The following MAGI2 variants were observed in gnomAD, a reference collection of about 807,000 sequenced individuals.
The protein encoded by MAGI2 is membrane-associated guanylate kinase, WW and PDZ domain-containing protein 2.
MAGI2 carries 35 observed loss-of-function variants against 133.3 expected under a neutral mutation model. The ratio of observed to expected loss-of-function variants is 0.26; its 90% CI spans 0.20 to 0.35. The LOEUF (loss-of-function observed/expected upper bound fraction) is 0.35. MAGI2 is among the 10% of genes least tolerant of loss of function. The pLI is 1.00. For missense variants in MAGI2, 1,636 were observed against 1,863.4 expected, an observed-to-expected ratio of 0.88 and a Z score of 2.25; for synonymous variants, 729 against 710.6, an observed-to-expected ratio of 1.03 and a Z score of -0.41.
intron 2 of MAGI2, among the ~76,000 whole-genome samples, chr7:78,761,997 GAATT>G (rs912280618): frequency 1.3e-5 from 2 of 151,986 alleles, no homozygotes; most frequent in African/African-American, 4.8e-5. Flanking sequence ...ACTCTATCCG[GAATT>G]AATTTTTCCT....
intron 6 of MAGI2, among the ~76,000 whole-genome samples, chr7:78,383,376 A>AT (rs758207160): frequency 2.0e-5 from 3 of 151,952 alleles, no homozygotes; most frequent in South Asian, 2.1e-4. Flanking sequence ...GATACTGATT[A>AT]TTTTTTACAT....
At chr7:79,416,679 G>GGT (rs1443733137) in intron 1 of MAGI2, among the ~76,000 whole-genome samples, 1 of 151,042 alleles carries the variant, frequency 6.6e-6, no homozygotes, top group East Asian at 1.9e-4. Flanking sequence ...GTAGGACACA[G>GGT]GGTACACAGA....
intron 1 of MAGI2, among the ~76,000 whole-genome samples, chr7:79,103,070 A>G (rs1050003215): frequency 6.6e-6 from 1 of 152,154 alleles, no homozygotes; most frequent in African/African-American, 2.4e-5. Flanking sequence ...AGGCCCCACA[A>G]TCTCTTAAAT....
At chr7:78,784,300 A>T (rs1167273604) in intron 2 of MAGI2, among the ~76,000 whole-genome samples, 1 of 151,954 alleles carries the variant, frequency 6.6e-6, no homozygotes, top group Non-Finnish European at 1.5e-5. Flanking sequence ...AGGATCTCAG[A>T]AGACCTCAGA....
intron 2 of MAGI2, among the ~76,000 whole-genome samples, chr7:78,727,005 C>A (rs111670526): frequency 1.1e-4 from 16 of 152,084 alleles, no homozygotes; most frequent in African/African-American, 3.9e-4. Flanking sequence ...CTTGAGACAC[C>A]TGATCAGTGC....
At chr7:79,342,286 A>G (rs915961026) in intron 1 of MAGI2, among the ~76,000 whole-genome samples, 1 of 152,368 alleles carries the variant, frequency 6.6e-6, no homozygotes, top group East Asian at 1.9e-4. Flanking sequence ...CGTTCTCTGC[A>G]AGAATAACTC....
At chr7:78,810,910 T>A (rs1456291054) in intron 2 of MAGI2, among the ~76,000 whole-genome samples, 1 of 152,088 alleles carries the variant, frequency 6.6e-6, no homozygotes, top group African/African-American at 2.4e-5. Flanking sequence ...AATGAGTCAT[T>A]ATTTCTTCTA....
chr7:78,253,753 T>C (rs1055010392), intron 10 of MAGI2: 9 of 152,192 alleles, frequency 5.9e-5, no homozygotes, highest in Admixed American at 4.6e-4. Context: ...TTAAACCATG[T>C]ACATTATTAC....
chr7:78,498,875 T>C (rs1371955701), intron 5 of MAGI2, among the ~76,000 whole-genome samples: 1 of 152,104 alleles, frequency 6.6e-6, no homozygotes, highest in Admixed American at 6.6e-5. Context: ...ACACAGTCAC[T>C]TCCACCATGA....
chr7:78,758,349 G>A (rs1051852096), intron 2 of MAGI2, among the ~76,000 whole-genome samples: 18 of 152,072 alleles, frequency 1.2e-4, no homozygotes, highest in East Asian at 3.9e-4. Flanking sequence ...CTTGTAGTAC[G>A]AATGAAGTAT....
intron 1 of MAGI2, among the ~76,000 whole-genome samples, chr7:79,046,798 A>T (rs532863296): frequency 5.9e-5 from 9 of 152,188 alleles, no homozygotes; most frequent in Non-Finnish European, 1.2e-4. Flanking sequence ...TCTAATCATC[A>T]TCTAAACTTA....
chr7:78,101,201 A>G (rs1481258145), intron 20 of MAGI2, among the ~76,000 whole-genome samples: 1 of 152,216 alleles, frequency 6.6e-6, no homozygotes, highest in East Asian at 1.9e-4. Context: ...AGAAAAAGAA[A>G]ATCCTGGAAT....
intron 9 of MAGI2, among the ~76,000 whole-genome samples, chr7:78,278,344 A>G (rs57889786): frequency 0.19 from 29,127 of 152,088 alleles, 3,266 homozygotes; most frequent in South Asian, 0.31. Context: ...CTGCTCTACT[A>G]ATTCAGATAA....
At chr7:79,317,213 G>A (rs765668649) in intron 1 of MAGI2, among the ~76,000 whole-genome samples, 28 of 151,886 alleles carry the variant, frequency 1.8e-4, no homozygotes, top group South Asian at 2.1e-4. Context: ...TAGTAGAGAC[G>A]GGTTTTCACC....
chr7:78,269,388 T>C (rs193098896), intron 9 of MAGI2, among the ~76,000 whole-genome samples: 1 of 152,332 alleles, frequency 6.6e-6, no homozygotes, highest in Admixed American at 6.5e-5. Flanking sequence ...TTGAACTAAT[T>C]AAACTCCCAC....
intron 3 of MAGI2, among the ~76,000 whole-genome samples, chr7:78,573,322 A>ATT (rs1801886282): frequency 1.5e-5 from 1 of 65,500 alleles, no homozygotes; most frequent in African/African-American, 8.7e-5. Context: ...AAATATATAA[A>ATT]TATATATATA....
At chr7:78,930,440 C>T (rs1204573185) in intron 2 of MAGI2, among the ~76,000 whole-genome samples, 2 of 152,078 alleles carry the variant, frequency 1.3e-5, no homozygotes, top group African/African-American at 4.8e-5. Context: ...AAAAAGCAAA[C>T]AGCAGGTGCA....
At chr7:78,268,145 T>A (rs1794197731) in intron 9 of MAGI2, among the ~76,000 whole-genome samples, 1 of 152,058 alleles carries the variant, frequency 6.6e-6, no homozygotes, top group Non-Finnish European at 1.5e-5. Context: ...CAATGAAAAT[T>A]TCTTGCTTTT....
intron 6 of MAGI2, among the ~76,000 whole-genome samples, chr7:78,455,865 A>G (rs540394554): frequency 6.6e-6 from 1 of 152,142 alleles, no homozygotes; most frequent in Admixed American, 6.5e-5. Flanking sequence ...TTGTTTACAA[A>G]AGCTACCCAC....
Sources: gnomAD v4.1 joint callset for allele counts (sites outside exome capture counted in the v4.1 genomes callset) on GRCh38, gnomAD v4.1.1 for gene constraint, MANE v1.5 for transcripts, NCBI Gene and HGNC (gene_info 2026-07-23, HGNC 2026-07-21) for gene names.